Variants in PPP1R1C observed in about 807,000 individuals in gnomAD.
PPP1R1C encodes protein phosphatase 1 regulatory subunit 1C.
Under a neutral mutation model 17.4 loss-of-function variants are expected in PPP1R1C, and 15 were observed. That is an observed-to-expected ratio of 0.86 (90% CI 0.58 to 1.33). The LOEUF (loss-of-function observed/expected upper bound fraction) is 1.33, where lower values mean the gene tolerates loss of function less well. Among genes scored for constraint, PPP1R1C ranks in the 40% most tolerant of loss-of-function variants. The pLI is 0.00. For missense variants in PPP1R1C, 143 were observed against 130.0 expected (o/e 1.10, Z -0.48); for synonymous variants, 35 against 43.1 (o/e 0.81, Z 0.73).
intron 2 of PPP1R1C, among the ~76,000 whole-genome samples, chr2:182,041,718 GC>G (rs756370119): frequency 6.6e-6 from 1 of 150,642 alleles, no homozygotes; most frequent in Non-Finnish European, 1.5e-5. Flanking sequence ...GAAAAGAAAA[GC>G]AAAAAAATTA....
At position 181,962,023 on chromosome 2, in the gene PPP1R1C, C is replaced by T; in HGVS notation, n.111+7389C>T. 1.4e-6 allele frequency: 1 copy of T among 729,232 alleles called. No homozygotes were observed. Among genetic ancestry groups the T allele is most frequent in the South Asian group, 1.4e-5 (1 of 73,716 alleles). The allele number at this position is 729,232 out of a possible 1,614,324, so 45.2% of individuals were successfully genotyped here. ...CTGCAAGACAGGCATTGTCAATCTG[C>T]AAAACGATGCCGGCATTGTCCACAG... is the stretch of plus-strand genomic sequence containing the variant. On this transcript the variant is annotated intron_variant and non_coding_transcript_variant, in intron 1 of 5. Coordinates refer to the PPP1R1C transcript ENST00000464264. This position sits in a 1 kb window ranked among gnomAD's most constrained non-coding sequence, Gnocchi z 6.0.
rs554305721 is a variant in PPP1R1C, at chr2:182,069,777, C to T, written c.241+5986C>T. Among the ~76,000 whole-genome samples the T allele has an allele frequency of 2.0e-5, 3 of 152,120 alleles. No homozygotes were observed. The South Asian group carries it at 6.2e-4, about 32-fold the overall frequency. On this transcript the variant is annotated intron_variant, in intron 4 of 4. Transcript: ENST00000682840. ...TTTCTCTGTATAAATAACATAACAG[C>T]TTTTAAAATTGCTTTCTATTTGAGA...
At chr2:182,102,299 C>G (rs1349480359) in intron 4 of PPP1R1C, among the ~76,000 whole-genome samples, 2 of 152,280 alleles carry the variant, frequency 1.3e-5, no homozygotes, top group Middle Eastern at 3.4e-3. Flanking sequence ...AAGCCCTAGT[C>G]AAAGGGCCTT....
chr2:182,014,532 A>T (rs530129560), intron 2 of PPP1R1C, among the ~76,000 whole-genome samples: 2 of 152,172 alleles, frequency 1.3e-5, no homozygotes, highest in African/African-American at 2.4e-5. Context: ...GGCCCATGGC[A>T]ACCACTGCCT....
In PPP1R1C at chr2:181,974,183, G is replaced by C. The variant is rs573808349; in HGVS notation, n.112-1036G>C. On this transcript the variant is annotated intron_variant and non_coding_transcript_variant, in intron 1 of 5. Coordinates refer to the PPP1R1C transcript ENST00000464264. ...GAAAGAGAAATGGAACCAATATCTA[G>C]AGTTGACTTAAATCATGTATTTGCT... 1.1e-3 allele frequency among the ~76,000 whole-genome samples: 162 copies of C among 152,194 alleles called. 2 individuals carry two copies. Among genetic ancestry groups the C allele is most frequent in the African/African-American group, 3.7e-3 (155 of 41,542 alleles).
At chr2:182,122,802 A>G (rs946651199) in intron 5 of PPP1R1C, among the ~76,000 whole-genome samples, 1 of 152,194 alleles carries the variant, frequency 6.6e-6, no homozygotes, top group Non-Finnish European at 1.5e-5. Context: ...GTACTGTGAG[A>G]TGTCCTACAT....
At chr2:182,005,319 C>T (rs1371667240) in intron 2 of PPP1R1C, among the ~76,000 whole-genome samples, 2 of 152,170 alleles carry the variant, frequency 1.3e-5, no homozygotes, top group East Asian at 3.8e-4. Flanking sequence ...TGACATGCTG[C>T]CAGAAAATCT....
chr2:182,079,989 C>A (rs566532357), intron 4 of PPP1R1C, among the ~76,000 whole-genome samples: 51 of 152,282 alleles, frequency 3.3e-4, no homozygotes, highest in Admixed American at 3.9e-4. Flanking sequence ...TCTGCAAAGG[C>A]CTTATTTTCA....
At chr2:182,124,497 A>G (rs1689826469) in intron 5 of PPP1R1C, among the ~76,000 whole-genome samples, 1 of 151,392 alleles carries the variant, frequency 6.6e-6, no homozygotes, top group Non-Finnish European at 1.5e-5. Context: ...CAGTATGGCC[A>G]TTTTCATGAT....
chr2:182,064,887 G>A (rs533328689), intron 4 of PPP1R1C, among the ~76,000 whole-genome samples: 4 of 151,946 alleles, frequency 2.6e-5, no homozygotes, highest in Non-Finnish European at 5.9e-5. Context: ...GCATGAATGG[G>A]CAACAAGGAA....
intron 4 of PPP1R1C, among the ~76,000 whole-genome samples, chr2:182,073,020 C>G (rs1417657231): frequency 1.3e-5 from 2 of 152,218 alleles, no homozygotes; most frequent in African/African-American, 4.8e-5. Context: ...CCGGCCACAG[C>G]CTTCTTTTTT....
chr2:181,982,043 A>G (rs1315435465), upstream of PPP1R1C, among the ~76,000 whole-genome samples: 1 of 152,192 alleles, frequency 6.6e-6, no homozygotes, highest in African/African-American at 2.4e-5. Flanking sequence ...CATAACTTTC[A>G]AGATTCATGA....
chr2:182,026,841 A>G (rs1371042674), intron 2 of PPP1R1C, among the ~76,000 whole-genome samples: 1 of 150,498 alleles, frequency 6.6e-6, no homozygotes, highest in Non-Finnish European at 1.5e-5. Flanking sequence ...CCTACCCATG[A>G]GCATAGAATG....
chr2:181,977,404 T>C (rs555130285), intron 2 of PPP1R1C, among the ~76,000 whole-genome samples: 1 of 152,204 alleles, frequency 6.6e-6, no homozygotes, highest in African/African-American at 2.4e-5. Context: ...TTGTTTCCAT[T>C]TTGTCCTCTT....
chr2:182,067,210 G>A (rs948817766), intron 4 of PPP1R1C, among the ~76,000 whole-genome samples: 4 of 151,774 alleles, frequency 2.6e-5, no homozygotes, highest in Non-Finnish European at 5.9e-5. Flanking sequence ...ATGATTTCTT[G>A]TAAAGACTTC....
At chr2:181,997,885 C>T (rs1043045364) in intron 2 of PPP1R1C, among the ~76,000 whole-genome samples, 1 of 152,116 alleles carries the variant, frequency 6.6e-6, no homozygotes, top group Non-Finnish European at 1.5e-5. Context: ...ATCACTAAAC[C>T]ACACAACGTT....
At chr2:182,063,635 C>T (rs1217514025) in intron 3 of PPP1R1C, 96 bp from the exon 4 acceptor site, 13 of 927,926 alleles carry the variant, frequency 1.4e-5, no homozygotes, top group Non-Finnish European at 2.3e-5. Context: ...GAAAGCTTTT[C>T]ATAACATGGC....
Position 181,962,377 on chromosome 2 carries a change from G to C in PPP1R1C, n.111+7743G>C. ...CAGAGCCCCCGGCGCCTGCATAGAC[G>C]CTGGCCATGCAGCTGGCCGGCCGGG... On this transcript the variant is annotated intron_variant and non_coding_transcript_variant, in intron 1 of 5. Transcript: ENST00000464264. This position sits in a 1 kb window ranked among gnomAD's most constrained non-coding sequence, Gnocchi z 6.0. The C allele has an allele frequency of 1.2e-6, 1 of 864,022 alleles. No individual in the cohort carries two copies. Among genetic ancestry groups the C allele is most frequent in the Non-Finnish European group, 1.9e-6 (1 of 530,014 alleles). 53.5% of individuals were successfully genotyped at this position (864,022 alleles called of 1,614,324 possible).
chr2:182,042,053 A>C (rs985124129), intron 2 of PPP1R1C, among the ~76,000 whole-genome samples: 1 of 152,104 alleles, frequency 6.6e-6, no homozygotes, highest in Non-Finnish European at 1.5e-5. Context: ...TCTTCCACTT[A>C]TCTGTCAGTA....
Sources: allele counts gnomAD v4.1 joint callset (sites outside exome capture counted in the v4.1 genomes callset), GRCh38; gene constraint gnomAD v4.1.1; non-coding constraint Gnocchi (gnomAD v3.1); transcripts MANE v1.5; gene names NCBI Gene and HGNC (gene_info 2026-07-23, HGNC 2026-07-21).